Variants in RABGAP1L observed in about 807,000 individuals in gnomAD.
The protein encoded by RABGAP1L is rab GTPase-activating protein 1-like.
RABGAP1L carries 63 observed loss-of-function variants against 137.7 expected under a neutral mutation model. The observed-to-expected ratio is 0.46, with a 90% CI of 0.37 to 0.56. The LOEUF (loss-of-function observed/expected upper bound fraction) is 0.56, where lower values mean the gene tolerates loss of function less well. RABGAP1L is among the 20% of genes least tolerant of loss of function. RABGAP1L has a pLI of 0.00. For synonymous variants in RABGAP1L, 431 were observed against 433.7 expected, an observed-to-expected ratio of 0.99 and a Z score of 0.08; for missense variants, 1,095 against 1,244.0, an observed-to-expected ratio of 0.88 and a Z score of 1.80.
In RABGAP1L at chr1:174,321,401, GA is replaced by G. The variant is rs1224999907; in HGVS notation, c.1465+16278del. 2.0e-5 allele frequency among the ~76,000 whole-genome samples: 3 copies of G among 152,070 alleles called. 1 individual carries two copies. The highest frequency in any genetic ancestry group is 7.2e-5 in the African/African-American group (3 of 41,398). On this transcript the variant is annotated intron_variant, in intron 11 of 25. Coordinates refer to ENST00000681986, the MANE Select transcript of RABGAP1L (RefSeq NM_001366446.1). ...CCTATTCGTACACTCCCTCCCCTTT[GA>G]AAATTGCTAATAAAAACTTGCTGGT...
At chr1:174,288,169 A>T (rs1676241646) in intron 10 of RABGAP1L, among the ~76,000 whole-genome samples, 1 of 152,200 alleles carries the variant, frequency 6.6e-6, no homozygotes, top group South Asian at 2.1e-4. Context: ...TGTGCCCATT[A>T]AAATTATTTT....
At chr1:174,933,430 C>G (rs966151374) in intron 19 of RABGAP1L, among the ~76,000 whole-genome samples, 1 of 152,082 alleles carries the variant, frequency 6.6e-6, no homozygotes, top group Admixed American at 6.6e-5. Context: ...TGGGCCAGGT[C>G]TCCCCAAGCA....
In RABGAP1L at chr1:174,327,986, CATATATATATATATATATATATAT is replaced by C. The variant is rs3057021; in HGVS notation, c.1465+22875_1465+22898del. ...ATATATATATATATATATACACACA[CATATATATATATATATATATATAT>C]ATATATATATATATACCCAACATCA... is the stretch of plus-strand genomic sequence containing the variant. On this transcript the variant is annotated intron_variant, in intron 11 of 25. Transcript: ENST00000681986. Among the ~76,000 whole-genome samples the C allele has an allele frequency of 1.3e-4, 7 of 53,630 alleles. No individual in the cohort carries two copies. In the East Asian group the frequency reaches 3.9e-3, roughly 30 times the overall value. 35.2% of individuals were successfully genotyped at this position (53,630 alleles called of 152,430 possible).
At chr1:174,227,199 CTTT>C (rs71117559) in intron 3 of RABGAP1L, among the ~76,000 whole-genome samples, 2 of 133,810 alleles carry the variant, frequency 1.5e-5, no homozygotes, top group Admixed American at 7.6e-5. Flanking sequence ...TGACCATTTA[CTTT>C]TTTTTTTTTT....
intron 13 of RABGAP1L, among the ~76,000 whole-genome samples, chr1:174,528,021 T>A (rs532179875): frequency 6.6e-6 from 1 of 152,082 alleles, no homozygotes; most frequent in African/African-American, 2.4e-5. Flanking sequence ...CCCTTTACTT[T>A]CATTCTATAT....
intron 1 of RABGAP1L, among the ~76,000 whole-genome samples, chr1:174,198,926 T>C (rs2148379880): frequency 6.6e-6 from 1 of 152,198 alleles, no homozygotes; most frequent in African/African-American, 2.4e-5. Flanking sequence ...CTCACCAACA[T>C]GGAGAAACCC....
At chr1:174,512,089 A>G (rs1038331617) in intron 13 of RABGAP1L, among the ~76,000 whole-genome samples, 1 of 152,222 alleles carries the variant, frequency 6.6e-6, no homozygotes, top group African/African-American at 2.4e-5. Context: ...CAGGGTAATT[A>G]ACATATCCAT....
At chr1:174,576,935 T>G (rs1379507095) in intron 13 of RABGAP1L, among the ~76,000 whole-genome samples, 1 of 152,094 alleles carries the variant, frequency 6.6e-6, no homozygotes, top group Non-Finnish European at 1.5e-5. Context: ...GTAATCCCAG[T>G]GTTTTAGGAG....
At chr1:174,940,967 C>T (rs1411078237) in intron 19 of RABGAP1L, among the ~76,000 whole-genome samples, 1 of 152,216 alleles carries the variant, frequency 6.6e-6, no homozygotes, top group Non-Finnish European at 1.5e-5. Context: ...ATTCTGGCTT[C>T]AGTGTATTCC....
chr1:174,615,524 G>A (rs899934378), intron 13 of RABGAP1L, among the ~76,000 whole-genome samples: 2 of 152,188 alleles, frequency 1.3e-5, no homozygotes, highest in Admixed American at 1.3e-4. Context: ...CAGGGGTCAG[G>A]GGTCAGGGAC....
rs182172865 is a variant in RABGAP1L, at chr1:174,906,601, C to T, written c.2341-50856C>T. Among the ~76,000 whole-genome samples, 15 of 151,934 alleles carry T rather than the reference C, an allele frequency of 9.9e-5. No individual in the cohort carries two copies. The East Asian group carries it at 2.7e-3, about 28-fold the overall frequency. Reference sequence around the variant, plus strand: ...TGAGATGGCGCCACTGCACTCTAGCCTGGGTGACAGAATGAGATTCCATCT... The same window carrying T: ...TGAGATGGCGCCACTGCACTCTAGCTTGGGTGACAGAATGAGATTCCATCT... On this transcript the variant is annotated intron_variant, in intron 19 of 25. Transcript: ENST00000681986.
Position 174,176,741 on chromosome 1 carries a change from A to AAAAAAAATAAAATAAAAT in RABGAP1L, c.-34+17089_-34+17090insAATAAAATAAAATAAAAA, listed in dbSNP as rs755688394. 8.0e-4 allele frequency among the ~76,000 whole-genome samples: 89 copies of AAAAAAAATAAAATAAAAT among 111,796 alleles called. 2 individuals carry two copies. The highest frequency in any genetic ancestry group is 1.1e-3 in the Admixed American group (11 of 9,738). 73.3% of individuals were successfully genotyped at this position (111,796 alleles called of 152,430 possible). On this transcript the variant is annotated intron_variant, in intron 1 of 25. Transcript: ENST00000681986. ...AAAAAAAAAAAAAAAAAAAAAAAAAAAAAAAGGTCAACATTTGTTAATACT... is the reference window on the plus strand; with the variant it reads ...AAAAAAAAAAAAAAAAAAAAAAAAAAAAAAAAATAAAATAAAATAAAAAGGTCAACATTTGTTAATACT...
chr1:174,352,480 G>C (rs1045389042), intron 11 of RABGAP1L, among the ~76,000 whole-genome samples: 5 of 151,958 alleles, frequency 3.3e-5, no homozygotes, highest in Non-Finnish European at 7.4e-5. Context: ...CTTTCTCTTT[G>C]TTATCTTGAA....
intron 17 of RABGAP1L, among the ~76,000 whole-genome samples, chr1:174,748,482 C>T (rs1402114660): frequency 2.0e-5 from 3 of 152,122 alleles, no homozygotes; most frequent in Non-Finnish European, 4.4e-5. Flanking sequence ...AAGTTACAGA[C>T]CATGATCCAT....
chr1:174,492,347 ATTTTTT>A (rs1273015833), intron 13 of RABGAP1L, among the ~76,000 whole-genome samples: 1 of 124,034 alleles, frequency 8.1e-6, no homozygotes, highest in African/African-American at 3.3e-5. Flanking sequence ...CGCCTGACTA[ATTTTTT>A]TTTTTTTTTT....
intron 13 of RABGAP1L, among the ~76,000 whole-genome samples, chr1:174,472,820 C>T (rs1013125423): frequency 1.1e-4 from 17 of 152,102 alleles, no homozygotes; most frequent in African/African-American, 4.1e-4. Flanking sequence ...TACAATAAAC[C>T]ACATTTATCA....
At chr1:174,397,491 C>T (rs904793856) in intron 13 of RABGAP1L, among the ~76,000 whole-genome samples, 27 of 152,114 alleles carry the variant, frequency 1.8e-4, no homozygotes, top group Admixed American at 4.6e-4. Context: ...TGGTGACACA[C>T]CTAAAGAGCT....
chr1:174,505,212 G>A lies in RABGAP1L; in HGVS notation c.1710+111067G>A, dbSNP rs541748369. Among the ~76,000 whole-genome samples, 31 of 152,288 alleles carry A rather than the reference G, an allele frequency of 2.0e-4. No individual in the cohort carries two copies. The South Asian group carries it at 6.4e-3, about 32-fold the overall frequency. ...AAGCAGAATTCTCCTTTGACTCCTTGAGGAGCCTTACCTTTCAGATTGAGA... is the reference window on the plus strand; with the variant it reads ...AAGCAGAATTCTCCTTTGACTCCTTAAGGAGCCTTACCTTTCAGATTGAGA... On this transcript the variant is annotated intron_variant, in intron 13 of 25. Coordinates refer to ENST00000681986, the MANE Select transcript of RABGAP1L (RefSeq NM_001366446.1).
chr1:174,515,250 T>C (rs1394357648), intron 13 of RABGAP1L, among the ~76,000 whole-genome samples: 2 of 152,168 alleles, frequency 1.3e-5, no homozygotes, highest in African/African-American at 4.8e-5. Flanking sequence ...AGAACAACTC[T>C]CATTCATTCA....
Sources: allele counts gnomAD v4.1 joint callset (sites outside exome capture counted in the v4.1 genomes callset), GRCh38; gene constraint gnomAD v4.1.1; transcripts MANE v1.5; gene names NCBI Gene and HGNC (gene_info 2026-07-23, HGNC 2026-07-21).